The following MGAT5 variants were observed in gnomAD, a reference collection of about 807,000 sequenced individuals.
MGAT5 encodes alpha-1,6-mannosylglycoprotein 6-beta-N-acetylglucosaminyltransferase.
A neutral mutation model predicts 94.3 loss-of-function variants in MGAT5; 30 were observed. The ratio of observed to expected loss-of-function variants is 0.32; its 90% CI spans 0.24 to 0.43. The LOEUF (loss-of-function observed/expected upper bound fraction) is 0.43, where lower values mean the gene tolerates loss of function less well. Among genes scored for constraint, MGAT5 ranks in the 20% least tolerant of loss-of-function variants. The pLI is 1.00. For synonymous variants in MGAT5, 310 were observed against 322.9 expected (o/e 0.96, Z 0.43); for missense variants, 691 against 905.5 (o/e 0.76, Z 3.04).
intron 1 of MGAT5, among the ~76,000 whole-genome samples, chr2:134,137,078 C>G (rs1373726087): frequency 6.6e-6 from 1 of 152,200 alleles, no homozygotes; most frequent in East Asian, 1.9e-4. Context: ...TTCAGTTTTT[C>G]AAGTGGAGAA....
chr2:134,398,481 G>C (rs56697075), intron 10 of MGAT5, among the ~76,000 whole-genome samples: 36,872 of 152,026 alleles, frequency 0.24, 4,980 homozygotes, highest in Middle Eastern at 0.38. Flanking sequence ...CGTGAATGAG[G>C]GGAACTGACG....
Position 134,257,836 on chromosome 2 carries a change from C to CTTTTTTTT in MGAT5, c.241+3204_241+3211dup, listed in dbSNP as rs10628858. Among the ~76,000 whole-genome samples the CTTTTTTTT allele has an allele frequency of 3.4e-3, 358 of 106,396 alleles. 12 individuals are homozygous for CTTTTTTTT. Among genetic ancestry groups the CTTTTTTTT allele is most frequent in the East Asian group, 0.014 (44 of 3,128 alleles). The allele number at this position is 106,396 out of a possible 152,430, so 69.8% of individuals were successfully genotyped here. A position where few individuals can be genotyped will look rare whatever the true frequency, so the allele number is the denominator to read the frequency against. On this transcript the variant is annotated intron_variant, in intron 1 of 15. Transcript: ENST00000281923. ...TGCATAGGCCATTAGTTTGCAGTCT[C>CTTTTTTTT]TTTTTTTTTTTTTTTTTTTGCCATA...
chr2:134,161,624 G>A (rs542432085), intron 1 of MGAT5, among the ~76,000 whole-genome samples: 1 of 152,258 alleles, frequency 6.6e-6, no homozygotes, highest in South Asian at 2.1e-4. Flanking sequence ...GAAGAATAGA[G>A]TTTATTTTTC....
chr2:134,322,811 G>C (rs1204274084), intron 4 of MGAT5, among the ~76,000 whole-genome samples: 3 of 152,106 alleles, frequency 2.0e-5, no homozygotes, highest in African/African-American at 7.2e-5. Context: ...TCTTGCAACT[G>C]GGGAGATGAT....
chr2:134,186,321 G>A (rs1023245831), intron 1 of MGAT5, among the ~76,000 whole-genome samples: 4 of 152,026 alleles, frequency 2.6e-5, no homozygotes, highest in African/African-American at 9.7e-5. Context: ...GAGAGGAGGT[G>A]TATAAAGACT....
At chr2:134,170,747 A>G (rs549571688) in intron 1 of MGAT5, among the ~76,000 whole-genome samples, 4 of 152,132 alleles carry the variant, frequency 2.6e-5, no homozygotes. Context: ...GAAACATACT[A>G]TACATGTCTT....
chr2:134,173,896 A>G (rs1239496644), intron 1 of MGAT5, among the ~76,000 whole-genome samples: 2 of 152,210 alleles, frequency 1.3e-5, no homozygotes, highest in African/African-American at 2.4e-5. Flanking sequence ...TCCACCTTAG[A>G]GAGTGAGGAA....
At chr2:134,226,953 G>A (rs1681095533) in intron 1 of MGAT5, among the ~76,000 whole-genome samples, 1 of 144,830 alleles carries the variant, frequency 6.9e-6, no homozygotes. Flanking sequence ...TGGTTCTGTG[G>A]TACCAGATAG....
At chr2:134,425,143 G>T (rs1284854195) in intron 13 of MGAT5, among the ~76,000 whole-genome samples, 1 of 152,136 alleles carries the variant, frequency 6.6e-6, no homozygotes, top group Non-Finnish European at 1.5e-5. Flanking sequence ...TAATCAAACT[G>T]CTGAAAAGCA....
intron 2 of MGAT5, among the ~76,000 whole-genome samples, chr2:134,301,766 G>A (rs1686032612): frequency 1.3e-5 from 2 of 152,138 alleles, no homozygotes; most frequent in African/African-American, 4.8e-5. Flanking sequence ...GGAGAATAAG[G>A]ACGTGCTGGA....
At chr2:134,417,692 GT>G (rs1684059763) in intron 12 of MGAT5, among the ~76,000 whole-genome samples, 1 of 152,088 alleles carries the variant, frequency 6.6e-6, no homozygotes, top group African/African-American at 2.4e-5. Flanking sequence ...CCACTATGAA[GT>G]TACTCTTTTA....
chr2:134,377,034 G>A (rs1255417953), intron 10 of MGAT5, among the ~76,000 whole-genome samples: 1 of 152,184 alleles, frequency 6.6e-6, no homozygotes, highest in Non-Finnish European at 1.5e-5. Context: ...TTGACACAGG[G>A]ATCAGACAAG....
intron 1 of MGAT5, among the ~76,000 whole-genome samples, chr2:134,242,424 A>G (rs374503583): frequency 1.5e-4 from 23 of 152,362 alleles, no homozygotes; most frequent in African/African-American, 5.5e-4. Context: ...ATGTGTCAGT[A>G]GGATGTACAT....
At chr2:134,227,596 A>G (rs972991395) in intron 1 of MGAT5, among the ~76,000 whole-genome samples, 1 of 152,248 alleles carries the variant, frequency 6.6e-6, no homozygotes, top group Non-Finnish European at 1.5e-5. Context: ...ATTCTGGAAA[A>G]GGTAAACACT....
At chr2:134,355,967 A>T (rs1679706735) in intron 9 of MGAT5, among the ~76,000 whole-genome samples, 1 of 152,256 alleles carries the variant, frequency 6.6e-6, no homozygotes, top group Non-Finnish European at 1.5e-5. Context: ...GTTCTGCTTA[A>T]CAGCCTCACT....
intron 14 of MGAT5, 131 bp from the exon 15 acceptor site, chr2:134,441,627 T>C: frequency 1.8e-6 from 2 of 1,082,988 alleles, no homozygotes; most frequent in South Asian, 1.5e-5. Context: ...AGCCCATCCA[T>C]GTGGCTCCCA....
At chr2:134,412,549 T>C (rs1683729529) in intron 11 of MGAT5, among the ~76,000 whole-genome samples, 1 of 152,082 alleles carries the variant, frequency 6.6e-6, no homozygotes, top group South Asian at 2.1e-4. Context: ...GTCTTGGTGG[T>C]GGTGGTGGTT....
At chr2:134,428,951 C>A (rs913007579) in intron 14 of MGAT5, among the ~76,000 whole-genome samples, 3 of 152,138 alleles carry the variant, frequency 2.0e-5, no homozygotes, top group African/African-American at 7.2e-5. Context: ...AAGAGTTCCA[C>A]CTTCCCCAAC....
At chr2:134,381,386 A>ATAAGATAAGATAAGATAAGATAGAT (rs1558841756) in intron 10 of MGAT5, among the ~76,000 whole-genome samples, 4 of 95,330 alleles carry the variant, frequency 4.2e-5, no homozygotes, top group Non-Finnish European at 6.4e-5. Flanking sequence ...GATAGATTAG[A>ATAAGATAAGATAAGATAAGATAGAT]TAGATAGATA....
Sources: gnomAD v4.1 joint callset for allele counts (sites outside exome capture counted in the v4.1 genomes callset) on GRCh38, gnomAD v4.1.1 for gene constraint, MANE v1.5 for transcripts, NCBI Gene and HGNC (gene_info 2026-07-23, HGNC 2026-07-21) for gene names.